DCAF8L2: variants seen among roughly 807,000 people sequenced by gnomAD.
DCAF8L2 encodes the protein DDB1 and CUL4 associated factor 8 like 2.
For synonymous variants in DCAF8L2, 200 were observed against 190.9 expected, an observed-to-expected ratio of 1.05 and a Z score of -0.39; for missense variants, 430 against 490.7, an observed-to-expected ratio of 0.88 and a Z score of 1.17.
At chrX:27,679,034 A>G (rs1930237345) in intron 3 of DCAF8L2, among the ~76,000 whole-genome samples, 1 of 111,828 alleles carries the variant, frequency 8.9e-6, no homozygotes, top group African/African-American at 3.3e-5. Flanking sequence ...GATGAACTCA[A>G]TAATGGCTAT....
chrX:27,561,917 T>C, the DCAF8L2 span, among the ~76,000 whole-genome samples: 1 of 111,839 alleles, frequency 8.9e-6, no homozygotes, highest in Non-Finnish European at 1.9e-5. Flanking sequence ...ATGTTTCATT[T>C]CTTAGGTATA....
chrX:27,605,470 T>G (rs963490155), intron 1 of DCAF8L2, among the ~76,000 whole-genome samples: 6 of 110,847 alleles, frequency 5.4e-5, no homozygotes, highest in Non-Finnish European at 1.1e-4. Flanking sequence ...GATTTGGAGA[T>G]TTGGAGTCCT....
At chrX:27,648,521 A>T in intron 2 of DCAF8L2, among the ~76,000 whole-genome samples, 1 of 60,100 alleles carries the variant, frequency 1.7e-5, no homozygotes, top group East Asian at 4.3e-4. Context: ...TATATGTATT[A>T]TTTATATATA....
intron 4 of DCAF8L2, among the ~76,000 whole-genome samples, chrX:27,725,022 A>G (rs923632542): frequency 2.7e-5 from 3 of 111,493 alleles, no homozygotes; most frequent in African/African-American, 9.7e-5. Flanking sequence ...AAAATATAAT[A>G]TTGTTATGAG....
chrX:27,502,378 T>TA, the DCAF8L2 span, among the ~76,000 whole-genome samples: 4 of 44,168 alleles, frequency 9.1e-5, no homozygotes, highest in Non-Finnish European at 1.8e-4. Flanking sequence ...ATATATATAT[T>TA]GGCTGTGCAT....
chrX:27,685,992 C>T (rs1930491969), intron 3 of DCAF8L2, among the ~76,000 whole-genome samples: 1 of 111,593 alleles, frequency 9.0e-6, no homozygotes, highest in Non-Finnish European at 1.9e-5. Context: ...ATGCTCAACA[C>T]TAGTAATCAT....
At chrX:27,698,623 C>T (rs1366034927) in intron 3 of DCAF8L2, among the ~76,000 whole-genome samples, 7 of 112,115 alleles carry the variant, frequency 6.2e-5, no homozygotes, top group Middle Eastern at 4.6e-3. Context: ...AGACTATCTA[C>T]TTTAAACTTT....
chrX:27,706,672 A>G (rs1330684822), intron 3 of DCAF8L2, among the ~76,000 whole-genome samples: 2 of 111,702 alleles, frequency 1.8e-5, no homozygotes, highest in Admixed American at 9.5e-5. Flanking sequence ...AACCTCATAC[A>G]TTGCTGATGG....
the DCAF8L2 span, among the ~76,000 whole-genome samples, chrX:27,502,723 G>A: frequency 1.8e-5 from 2 of 110,686 alleles, no homozygotes; most frequent in Non-Finnish European, 3.8e-5. Flanking sequence ...AGAATTGAAT[G>A]TTCTCAAACA....
At chrX:27,733,212 A>T (rs1033733481) in intron 4 of DCAF8L2, among the ~76,000 whole-genome samples, 5 of 111,328 alleles carry the variant, frequency 4.5e-5, no homozygotes, top group African/African-American at 6.5e-5. Flanking sequence ...TGTCTTTTTG[A>T]TAATATCCAT....
intron 2 of DCAF8L2, among the ~76,000 whole-genome samples, chrX:27,656,643 A>T (rs1929363847): frequency 9.0e-6 from 1 of 111,641 alleles, no homozygotes. Context: ...CACTGCAGGT[A>T]ATGGGTTGGC....
intron 1 of DCAF8L2, among the ~76,000 whole-genome samples, chrX:27,613,892 C>T (rs989067620): frequency 7.2e-5 from 8 of 111,092 alleles, no homozygotes; most frequent in East Asian, 2.8e-4. Context: ...ATGTTCATCA[C>T]GGATATTGGG....
chrX:27,505,773 C>T, the DCAF8L2 span, among the ~76,000 whole-genome samples: 1 of 102,836 alleles, frequency 9.7e-6, no homozygotes, highest in Non-Finnish European at 2.0e-5. Flanking sequence ...CTGTTATTCT[C>T]TCTTGCCCTT....
At chrX:27,554,039 C>A in the DCAF8L2 span, among the ~76,000 whole-genome samples, 314 of 111,678 alleles carry the variant, frequency 2.8e-3, 1 homozygote, top group African/African-American at 9.5e-3. Context: ...CATTGTTACA[C>A]TAGAGGAAGT....
chrX:27,749,356 GTA>G lies in DCAF8L2; in HGVS notation c.*566_*567del, dbSNP rs1335036661. 1.3e-4 allele frequency among the ~76,000 whole-genome samples: 14 copies of G among 111,757 alleles called. No individual in the cohort carries two copies. Among genetic ancestry groups the G allele is most frequent in the African/African-American group, 4.6e-4 (14 of 30,707 alleles). ...CAGAAAAGGAAAAGAGAAGTAGTGT[GTA>G]GATTAATTCTTAACACTTGGCCATA... On this transcript the variant is annotated 3_prime_UTR_variant, in exon 5 of 5. Coordinates refer to ENST00000451261, the MANE Select transcript of DCAF8L2 (RefSeq NM_001353450.2).
chrX:27,578,845 A>G, the DCAF8L2 span, among the ~76,000 whole-genome samples: 1 of 109,833 alleles, frequency 9.1e-6, no homozygotes, highest in Non-Finnish European at 1.9e-5. Flanking sequence ...AATCAAAACC[A>G]CAATGAGATA....
At chrX:27,547,502 C>T in the DCAF8L2 span, among the ~76,000 whole-genome samples, 1 of 112,047 alleles carries the variant, frequency 8.9e-6, no homozygotes, top group Admixed American at 9.4e-5. Context: ...TTAATTGGCT[C>T]ACAGTTCTGC....
intron 2 of DCAF8L2, among the ~76,000 whole-genome samples, chrX:27,654,516 A>G (rs1395445300): frequency 8.9e-6 from 1 of 112,242 alleles, no homozygotes; most frequent in Non-Finnish European, 1.9e-5. Flanking sequence ...TGTTTCACAC[A>G]GTCATAAATA....
At chrX:27,499,836 T>TTG in the DCAF8L2 span, among the ~76,000 whole-genome samples, 2 of 103,129 alleles carry the variant, frequency 1.9e-5, no homozygotes, top group African/African-American at 7.2e-5. Flanking sequence ...GATTTGGTGG[T>TTG]GGGGGGGGGT....
Sources: allele counts gnomAD v4.1 joint callset (sites outside exome capture counted in the v4.1 genomes callset), GRCh38; gene constraint gnomAD v4.1.1; transcripts MANE v1.5; gene names NCBI Gene and HGNC (gene_info 2026-07-23, HGNC 2026-07-21).